Variants in DIAPH2 observed in about 807,000 individuals in gnomAD.
DIAPH2 encodes the protein protein diaphanous homolog 2.
In DIAPH2, 35 loss-of-function variants were observed where a neutral mutation model predicts 92.7. The ratio of observed to expected loss-of-function variants is 0.38; its 90% CI spans 0.29 to 0.50. The LOEUF is 0.50. Ranked by LOEUF, DIAPH2 falls within the 20% of genes least tolerant of loss-of-function variation. The probability of loss-of-function intolerance (pLI) is 0.94; values close to 1 mark genes in which losing one functional copy is unlikely to be tolerated. For synonymous variants in DIAPH2, 301 were observed against 280.4 expected, an observed-to-expected ratio of 1.07 and a Z score of -0.73; for missense variants, 701 against 819.5, an observed-to-expected ratio of 0.86 and a Z score of 1.77.
chrX:97,603,867 C>T lies in DIAPH2; in HGVS notation c.*4550C>T, dbSNP rs2071607678. 8.9e-6 allele frequency: 1 copy of T among 111,765 alleles called. No homozygotes were observed. The highest frequency in any genetic ancestry group is 1.9e-5 in the Non-Finnish European group (1 of 53,170). 9.2% of individuals were successfully genotyped at this position (111,765 alleles called of 1,213,427 possible). A position where few individuals can be genotyped will look rare whatever the true frequency, so the allele number is the denominator to read the frequency against. The stretch of plus-strand genomic sequence containing the variant: ...GCAATCTAGTTTTTTCTATCACAGC[C>T]ACCAAAATTCTTCTAGTCTCTACCC... On this transcript the variant is annotated 3_prime_UTR_variant, in exon 27 of 27. Coordinates refer to ENST00000324765, the MANE Select transcript of DIAPH2 (RefSeq NM_006729.5).
At position 97,114,814 on chromosome X, in the gene DIAPH2, G is replaced by A. The variant is rs1354472580; in HGVS notation, c.2438G>A (p.Ser813Asn). 1 of 1,209,622 alleles carries A rather than the reference G, an allele frequency of 8.3e-7. No individual in the cohort carries two copies. Among genetic ancestry groups the A allele is most frequent in the Non-Finnish European group, 1.1e-6 (1 of 894,976 alleles). The stretch of plus-strand genomic sequence containing the variant: ...GAACACATAAACAACATCAAACCAA[G>A]CATCATAGCAGTAACTCTTGCCTGT... ...FEEHINNIKP[S>N]IIAVTLACEE... The change falls in exon 21 of 27, where the codon AGC becomes AAC. Residue 813 changes from serine (S) to asparagine (N), a missense_variant. Physicochemically the swap from Ser to Asn is conservative, Grantham distance 46. Around this residue, in one of 3 missense-constraint regions of DIAPH2, gnomAD observed 536 missense variants for 599.3 expected, o/e 0.89. Transcript: ENST00000324765.
At chrX:97,565,585 A>T (rs1425749452) in intron 26 of DIAPH2, among the ~76,000 whole-genome samples, 2 of 112,569 alleles carry the variant, frequency 1.8e-5, no homozygotes, top group African/African-American at 3.2e-5. Flanking sequence ...TTGTTTAGTT[A>T]TACAGATATA....
At chrX:97,395,338 A>G (rs759476088) in intron 25 of DIAPH2, among the ~76,000 whole-genome samples, 28 of 111,639 alleles carry the variant, frequency 2.5e-4, no homozygotes, top group Non-Finnish European at 5.1e-4. Flanking sequence ...TCCGCCCACA[A>G]AAAAATTTTG....
At chrX:96,980,884 G>C (rs1433578297) in intron 17 of DIAPH2, among the ~76,000 whole-genome samples, 1 of 108,163 alleles carries the variant, frequency 9.2e-6, no homozygotes, top group Non-Finnish European at 1.9e-5. Flanking sequence ...CATCAGGCCA[G>C]GTGCAGTGGT....
At chrX:97,199,376 A>G (rs1463771460) in intron 22 of DIAPH2, among the ~76,000 whole-genome samples, 1 of 111,112 alleles carries the variant, frequency 9.0e-6, no homozygotes, top group Non-Finnish European at 1.9e-5. Flanking sequence ...GCATATGTAC[A>G]TGTACACATG....
intron 17 of DIAPH2, among the ~76,000 whole-genome samples, chrX:96,970,803 T>C (rs2065923333): frequency 9.0e-6 from 1 of 111,499 alleles, no homozygotes; most frequent in African/African-American, 3.3e-5. Flanking sequence ...CTCTTGTTTT[T>C]CTGCTTCCTC....
chrX:97,389,638 AG>A (rs1306620761), intron 25 of DIAPH2, among the ~76,000 whole-genome samples: 1 of 111,049 alleles, frequency 9.0e-6, no homozygotes, highest in African/African-American at 3.3e-5. Context: ...GATTGTGTCT[AG>A]TTGTTATAGG....
chrX:96,964,055 A>G (rs898485619), intron 16 of DIAPH2, among the ~76,000 whole-genome samples: 9 of 111,169 alleles, frequency 8.1e-5, no homozygotes, highest in African/African-American at 2.9e-4. Context: ...AAAGGTTATT[A>G]TGTAGATTGA....
Position 96,939,301 on chromosome X carries a change from T to C in DIAPH2, c.1244T>C (p.Met415Thr), listed in dbSNP as rs1705618434. 1.8e-6 allele frequency: 2 copies of C among 1,138,404 alleles called. No homozygotes were observed. The highest frequency in any genetic ancestry group is 2.4e-6 in the Non-Finnish European group (2 of 841,367). 93.8% of individuals were successfully genotyped at this position (1,138,404 alleles called of 1,213,427 possible). The change falls in exon 12 of 27, where the codon ATG becomes ACG. Residue 415 changes from methionine to threonine, a missense_variant. Transcript: ENST00000324765. ...MNEVYHLLYN[M>T]LKDTAAENYF... ...GAAGTCTACCATCTTCTATATAATATGCTGAAGGACACTGCTGCTGAAAAT... is the reference window on the plus strand; with the variant it reads ...GAAGTCTACCATCTTCTATATAATACGCTGAAGGACACTGCTGCTGAAAAT...
chrX:97,178,437 A>G (rs371665002), intron 22 of DIAPH2, among the ~76,000 whole-genome samples: 48 of 80,748 alleles, frequency 5.9e-4, no homozygotes, highest in African/African-American at 2.2e-3. Flanking sequence ...ACAGGCCTAT[A>G]TTTCTCTTTT....
intron 22 of DIAPH2, among the ~76,000 whole-genome samples, chrX:97,204,245 C>A (rs191740512): frequency 8.9e-6 from 1 of 111,990 alleles, no homozygotes; most frequent in Non-Finnish European, 1.9e-5. Flanking sequence ...TGGAAGCATT[C>A]TTTTTGAAAA....
chrX:97,509,012 GTTATTTATTTATTTATTTAT>G (rs56002860), intron 26 of DIAPH2, among the ~76,000 whole-genome samples: 2 of 90,432 alleles, frequency 2.2e-5, no homozygotes, highest in East Asian at 7.1e-4. Flanking sequence ...AGCATACAAA[GTTATTTATTTATTTATTTAT>G]TTATTTATTT....
chrX:97,511,269 G>A (rs1323739500), intron 26 of DIAPH2, among the ~76,000 whole-genome samples: 2 of 92,439 alleles, frequency 2.2e-5, no homozygotes, highest in Non-Finnish European at 4.3e-5. Flanking sequence ...TCTCTTTGAA[G>A]CAATTGTGAA....
At chrX:97,107,840 CG>C (rs1436814356) in intron 20 of DIAPH2, among the ~76,000 whole-genome samples, 41 of 111,282 alleles carry the variant, frequency 3.7e-4, no homozygotes, top group Non-Finnish European at 6.8e-4. Flanking sequence ...TTTGAAGAGA[CG>C]GGGGGATCAG....
At chrX:97,065,522 T>A (rs1359062146) in intron 17 of DIAPH2, among the ~76,000 whole-genome samples, 1 of 111,901 alleles carries the variant, frequency 8.9e-6, no homozygotes, top group African/African-American at 3.3e-5. Context: ...TGTGGTGATG[T>A]TGTTGCAAAC....
At chrX:97,557,760 G>A (rs1197000218) in intron 26 of DIAPH2, among the ~76,000 whole-genome samples, 1 of 111,996 alleles carries the variant, frequency 8.9e-6, no homozygotes, top group African/African-American at 3.2e-5. Flanking sequence ...ATGCATAGGA[G>A]CTCAAACTAA....
At chrX:97,199,753 G>C (rs2067732437) in intron 22 of DIAPH2, among the ~76,000 whole-genome samples, 2 of 111,273 alleles carry the variant, frequency 1.8e-5, no homozygotes, top group African/African-American at 6.5e-5. Flanking sequence ...CTCAGATTTC[G>C]ATGGACTGTA....
intron 4 of DIAPH2, among the ~76,000 whole-genome samples, chrX:96,791,050 A>G (rs930924593): frequency 1.8e-5 from 2 of 111,972 alleles, no homozygotes; most frequent in South Asian, 7.4e-4. Flanking sequence ...GCACACATTC[A>G]TGGATCACTG....
chrX:96,870,456 T>TA (rs1569416589), intron 4 of DIAPH2, among the ~76,000 whole-genome samples: 2 of 91,787 alleles, frequency 2.2e-5, no homozygotes, highest in Non-Finnish European at 4.2e-5. Context: ...TTTTTTTTTT[T>TA]AAGTAGAGAT....
Sources: gnomAD v4.1 joint callset for allele counts (sites outside exome capture counted in the v4.1 genomes callset) on GRCh38, gnomAD v4.1.1 for gene constraint, gnomAD v4.1.1 regional missense constraint, MANE v1.5 for transcripts, NCBI Gene and HGNC (gene_info 2026-07-23, HGNC 2026-07-21) for gene names.